MAPK10: variants seen among roughly 807,000 people sequenced by gnomAD.
MAPK10 encodes the protein mitogen-activated protein kinase 10, also known as JNK3 alpha protein kinase.
Under a neutral mutation model 59.3 loss-of-function variants are expected in MAPK10, and 25 were observed. The ratio of observed to expected loss-of-function variants is 0.42; its 90% CI spans 0.31 to 0.59. The LOEUF (loss-of-function observed/expected upper bound fraction) is 0.59. Ranked by LOEUF, MAPK10 falls within the 20% of genes least tolerant of loss-of-function variation. The pLI is 0.15. For missense variants in MAPK10, 351 were observed against 568.9 expected (o/e 0.62, Z 3.90); for synonymous variants, 190 against 200.5 (o/e 0.95, Z 0.44).
chr4:86,234,246 TTAATG>T (rs1015577131), intron 2 of MAPK10, among the ~76,000 whole-genome samples: 5 of 152,034 alleles, frequency 3.3e-5, no homozygotes, highest in Non-Finnish European at 7.4e-5. Flanking sequence ...CAAAAAAAAA[TTAATG>T]TAAAGATTCT....
intron 1 of MAPK10, among the ~76,000 whole-genome samples, chr4:86,558,875 C>G (rs931614458): frequency 1.3e-5 from 2 of 151,028 alleles, no homozygotes; most frequent in African/African-American, 4.9e-5. Flanking sequence ...CATGCTGTAT[C>G]AGATCATTCA....
At chr4:86,211,639 T>A (rs987902986) in intron 2 of MAPK10, among the ~76,000 whole-genome samples, 3 of 152,066 alleles carry the variant, frequency 2.0e-5, no homozygotes, top group African/African-American at 2.4e-5. Context: ...AAAAACTCAG[T>A]AAAGGAAAAT....
At chr4:86,136,302 A>T (rs909249589) in intron 4 of MAPK10, among the ~76,000 whole-genome samples, 12 of 152,330 alleles carry the variant, frequency 7.9e-5, no homozygotes, top group Admixed American at 2.0e-4. Context: ...CGGGTTACCC[A>T]CAAAGGGAAG....
intron 2 of MAPK10, chr4:86,326,851 C>T (rs1053584759): frequency 2.0e-5 from 3 of 152,222 alleles, no homozygotes; most frequent in African/African-American, 7.2e-5. Flanking sequence ...TAAATCTACA[C>T]TGTAAGTATT....
chr4:86,024,570 C>T (rs996134218), intron 13 of MAPK10: 8 of 152,300 alleles, frequency 5.3e-5, no homozygotes, highest in African/African-American at 1.7e-4. Context: ...CTTCATTTCT[C>T]CTGTCTTCCA....
At chr4:86,427,851 T>G (rs1048099258) in intron 1 of MAPK10, among the ~76,000 whole-genome samples, 9 of 152,206 alleles carry the variant, frequency 5.9e-5, no homozygotes. Context: ...TCTCAATTAT[T>G]ATAAAGACTT....
At chr4:86,387,005 A>T (rs974635540) in intron 1 of MAPK10, among the ~76,000 whole-genome samples, 2 of 152,184 alleles carry the variant, frequency 1.3e-5, no homozygotes, top group Non-Finnish European at 2.9e-5. Context: ...GAAAGAAAAA[A>T]ATCTGGGCAA....
At chr4:86,498,754 G>C (rs1284587636) in intron 1 of MAPK10, among the ~76,000 whole-genome samples, 1 of 152,140 alleles carries the variant, frequency 6.6e-6, no homozygotes, top group Non-Finnish European at 1.5e-5. Context: ...ATTTAAGCTA[G>C]CTACCACTAG....
intron 1 of MAPK10, among the ~76,000 whole-genome samples, chr4:86,359,326 G>GTGTGTGTA (rs1554248726): frequency 2.8e-5 from 4 of 143,028 alleles, no homozygotes; most frequent in African/African-American, 7.8e-5. Flanking sequence ...GTGTGTGTGT[G>GTGTGTGTA]TGTGTTTCTC....
At chr4:86,027,797 T>G (rs974627839) in intron 13 of MAPK10, 26 of 152,238 alleles carry the variant, frequency 1.7e-4, no homozygotes, top group African/African-American at 6.0e-4. Flanking sequence ...TACGGGATAA[T>G]AAGACAAGAG....
chr4:86,590,713 G>C (rs921255103), intron 1 of MAPK10, among the ~76,000 whole-genome samples: 2 of 152,076 alleles, frequency 1.3e-5, no homozygotes, highest in Admixed American at 1.3e-4. Flanking sequence ...TTGAGCATAG[G>C]AGGTTGAGGC....
chr4:86,196,675 G>C (rs2081369194), intron 2 of MAPK10, among the ~76,000 whole-genome samples: 1 of 152,148 alleles, frequency 6.6e-6, no homozygotes, highest in African/African-American at 2.4e-5. Context: ...TTTTCTTCTA[G>C]AGTTTTTATG....
chr4:86,112,579 CTGTT>C (rs1298835983), intron 4 of MAPK10, among the ~76,000 whole-genome samples: 1 of 152,108 alleles, frequency 6.6e-6, no homozygotes, highest in Non-Finnish European at 1.5e-5. Flanking sequence ...GTCTGAAAGA[CTGTT>C]TGTTATGATT....
intron 2 of MAPK10, among the ~76,000 whole-genome samples, chr4:86,267,376 T>G (rs1028175073): frequency 6.6e-6 from 1 of 152,174 alleles, no homozygotes; most frequent in African/African-American, 2.4e-5. Flanking sequence ...AAGGCTTTCA[T>G]GCTCTGTGTA....
chr4:86,145,293 C>G (rs1221962167), intron 4 of MAPK10, among the ~76,000 whole-genome samples: 1 of 86,782 alleles, frequency 1.2e-5, no homozygotes, highest in Admixed American at 1.2e-4. Context: ...ACCCGGGAGG[C>G]GGAGCTTGCA....
intron 1 of MAPK10, among the ~76,000 whole-genome samples, chr4:86,431,398 G>A (rs1748027584): frequency 6.6e-6 from 1 of 152,256 alleles, no homozygotes; most frequent in Non-Finnish European, 1.5e-5. Flanking sequence ...ACAACATTGA[G>A]GGTCCAAGTG....
At chr4:86,148,552 T>A (rs1193524222) in intron 4 of MAPK10, among the ~76,000 whole-genome samples, 1 of 152,124 alleles carries the variant, frequency 6.6e-6, no homozygotes, top group East Asian at 1.9e-4. Flanking sequence ...CGGGGTATGA[T>A]GAAGACCTGG....
chr4:86,564,844 C>A (rs190399709), intron 1 of MAPK10, among the ~76,000 whole-genome samples: 1 of 152,056 alleles, frequency 6.6e-6, no homozygotes, highest in African/African-American at 2.4e-5. Context: ...TGGAGAGTAA[C>A]GCAATAGAGT....
chr4:86,457,710 T>C (rs1046184891), upstream of MAPK10, among the ~76,000 whole-genome samples: 1 of 152,074 alleles, frequency 6.6e-6, no homozygotes, highest in African/African-American at 2.4e-5. Flanking sequence ...GTAGAATCAA[T>C]ATTGTGAAAA....
Sources: allele counts gnomAD v4.1 joint callset (sites outside exome capture counted in the v4.1 genomes callset), GRCh38; gene constraint gnomAD v4.1.1; transcripts MANE v1.5; gene names NCBI Gene and HGNC (gene_info 2026-07-23, HGNC 2026-07-21).